The following CNTN5 variants were observed in gnomAD, a reference collection of about 807,000 sequenced individuals.
The protein encoded by CNTN5 is contactin-5.
Under a neutral mutation model 129.1 loss-of-function variants are expected in CNTN5, and 77 were observed. The ratio of observed to expected loss-of-function variants is 0.60; its 90% confidence interval spans 0.50 to 0.72. The LOEUF (loss-of-function observed/expected upper bound fraction) is 0.72. Ranked by LOEUF, CNTN5 falls within the 30% of genes least tolerant of loss-of-function variation. The pLI is 0.00. For synonymous variants in CNTN5, 509 were observed against 465.6 expected (o/e 1.09, Z -1.20); for missense variants, 1,478 against 1,328.8 (o/e 1.11, Z -1.75).
chr11:99,470,358 T>G (rs1945124004), intron 2 of CNTN5, among the ~76,000 whole-genome samples: 1 of 152,152 alleles, frequency 6.6e-6, no homozygotes, highest in South Asian at 2.1e-4. Context: ...CTCTTTCTTG[T>G]TCCTACACAA....
intron 3 of CNTN5, among the ~76,000 whole-genome samples, chr11:99,592,901 T>C (rs1344674433): frequency 2.0e-5 from 3 of 152,162 alleles, no homozygotes; most frequent in Admixed American, 2.0e-4. Context: ...GGAGCTTAAT[T>C]GTCAGCTTCT....
intron 9 of CNTN5, among the ~76,000 whole-genome samples, chr11:100,040,658 C>G (rs1942322875): frequency 6.6e-6 from 1 of 152,174 alleles, no homozygotes. Flanking sequence ...CCTAATCAAA[C>G]AACTAACTCA....
At chr11:99,548,023 A>C (rs566099875) in intron 2 of CNTN5, among the ~76,000 whole-genome samples, 90 of 152,326 alleles carry the variant, frequency 5.9e-4, no homozygotes, top group African/African-American at 2.0e-3. Context: ...CTAGAAAAGC[A>C]CTTAGAACAG....
chr11:100,068,352 G>A (rs1031625638), intron 10 of CNTN5, among the ~76,000 whole-genome samples: 13 of 152,270 alleles, frequency 8.5e-5, no homozygotes, highest in African/African-American at 3.1e-4. Flanking sequence ...ACTCTTCTTT[G>A]AGGCTGTGAT....
intron 18 of CNTN5, among the ~76,000 whole-genome samples, chr11:100,283,050 G>A (rs930333870): frequency 4.0e-5 from 6 of 151,878 alleles, no homozygotes; most frequent in Non-Finnish European, 2.9e-5. Context: ...TGGGATCAGG[G>A]ACCCCAAGAG....
At chr11:99,785,713 CAT>C (rs1349450471) in intron 3 of CNTN5, among the ~76,000 whole-genome samples, 1 of 152,102 alleles carries the variant, frequency 6.6e-6, no homozygotes, top group Admixed American at 6.6e-5. Context: ...AATCAATAAA[CAT>C]AATCTATCAT....
In CNTN5 at chr11:99,639,690, A is replaced by G. The variant is rs1292278214; in HGVS notation, c.55+83421A>G. On this transcript the variant is annotated intron_variant, in intron 3 of 24. Transcript: ENST00000524871. The stretch of plus-strand genomic sequence containing the variant: ...AGCGATTCCCCTGCCTCAGCCTCCC[A>G]AGTAGCTGAGATTACAGGCATGAGC... Among the ~76,000 whole-genome samples, 4 of 145,212 alleles carry G rather than the reference A, an allele frequency of 2.8e-5. No individual in the cohort carries two copies. In the Admixed American group the frequency reaches 2.9e-4, roughly 11 times the overall value.
chr11:99,269,261 T>A (rs1013148190), intron 1 of CNTN5, among the ~76,000 whole-genome samples: 1 of 151,954 alleles, frequency 6.6e-6, no homozygotes, highest in Non-Finnish European at 1.5e-5. Flanking sequence ...GATTAATTAT[T>A]ATCTCCTGTG....
chr11:99,656,266 T>C (rs1312305615), intron 3 of CNTN5, among the ~76,000 whole-genome samples: 1 of 152,140 alleles, frequency 6.6e-6, no homozygotes, highest in Non-Finnish European at 1.5e-5. Context: ...GCTTTTGGCA[T>C]ATTAATTTGC....
intron 2 of CNTN5, among the ~76,000 whole-genome samples, chr11:99,393,241 A>G (rs1440965708): frequency 6.6e-6 from 1 of 151,804 alleles, no homozygotes; most frequent in Non-Finnish European, 1.5e-5. Context: ...AGGAAGACAT[A>G]AGAAATTGGG....
Position 99,956,982 on chromosome 11 carries a change from C to G in CNTN5, c.850C>G (p.Pro284Ala), listed in dbSNP as rs201895126. 5 of 1,613,768 alleles carry G rather than the reference C, an allele frequency of 3.1e-6. No individual in the cohort carries two copies. The highest frequency in any genetic ancestry group is 3.4e-6 in the Non-Finnish European group (4 of 1,179,796). ...TVTNARVLSP[P>A]TPLTLRNDGV... Reference sequence around the variant, plus strand: ...GACGAATGCTAGAGTCCTTAGTCCTCCAACGCCACTCACTCTGCGTAATGA... The same window carrying G: ...GACGAATGCTAGAGTCCTTAGTCCTGCAACGCCACTCACTCTGCGTAATGA... The change falls in exon 8 of 25, where the codon CCA becomes GCA. Residue 284 changes from proline to alanine, a missense_variant. By Grantham distance (27) the Pro-to-Ala change is conservative. Coordinates refer to ENST00000524871, the MANE Select transcript of CNTN5 (RefSeq NM_014361.4).
chr11:100,161,874 A>AG (rs1565302482), intron 13 of CNTN5, among the ~76,000 whole-genome samples: 1 of 61,150 alleles, frequency 1.6e-5, no homozygotes, highest in Non-Finnish European at 3.7e-5. Context: ...CACACACACA[A>AG]AACAAAAAAC....
chr11:99,663,223 C>T (rs1349172803), intron 3 of CNTN5, among the ~76,000 whole-genome samples: 1 of 152,104 alleles, frequency 6.6e-6, no homozygotes, highest in Non-Finnish European at 1.5e-5. Context: ...AATCCCAGCA[C>T]TTTGGGAGGC....
intron 1 of CNTN5, among the ~76,000 whole-genome samples, chr11:99,322,383 G>A (rs768473000): frequency 5.3e-5 from 8 of 152,062 alleles, no homozygotes; most frequent in Non-Finnish European, 1.0e-4. Context: ...GCAAGTTTCA[G>A]AAGTAGAAAG....
At chr11:100,255,734 C>A (rs759024106) in intron 16 of CNTN5, 26 bp from the exon 17 acceptor site, 1 of 1,606,156 alleles carries the variant, frequency 6.2e-7, no homozygotes, top group Non-Finnish European at 8.5e-7. Context: ...TTGTGCTTAA[C>A]TTTATCCATT....
intron 3 of CNTN5, among the ~76,000 whole-genome samples, chr11:99,807,269 A>G (rs1946301972): frequency 6.6e-6 from 1 of 152,204 alleles, no homozygotes; most frequent in South Asian, 2.1e-4. Flanking sequence ...CAAAAATTCT[A>G]GAAAACAGTT....
At chr11:99,846,250 T>C (rs1947693198) in intron 6 of CNTN5, among the ~76,000 whole-genome samples, 1 of 146,974 alleles carries the variant, frequency 6.8e-6, no homozygotes, top group Non-Finnish European at 1.5e-5. Flanking sequence ...CACAGCTACC[T>C]GGGAGGCTGA....
intron 3 of CNTN5, among the ~76,000 whole-genome samples, chr11:99,803,397 T>A (rs749513441): frequency 2.0e-5 from 3 of 152,166 alleles, no homozygotes; most frequent in Non-Finnish European, 4.4e-5. Flanking sequence ...TTTTCATAAT[T>A]CTGACTGGAG....
intron 7 of CNTN5, among the ~76,000 whole-genome samples, chr11:99,917,341 A>G (rs765524700): frequency 6.6e-6 from 1 of 152,150 alleles, no homozygotes; most frequent in Non-Finnish European, 1.5e-5. Context: ...GCCTGCATCT[A>G]AATCCAGATT....
Sources: allele counts gnomAD v4.1 joint callset (sites outside exome capture counted in the v4.1 genomes callset), GRCh38; gene constraint gnomAD v4.1.1; transcripts MANE v1.5; gene names NCBI Gene and HGNC (gene_info 2026-07-23, HGNC 2026-07-21).